FAM20C: variants seen among roughly 807,000 people sequenced by gnomAD.
The protein encoded by FAM20C is extracellular serine/threonine protein kinase FAM20C.
In FAM20C, 40 loss-of-function variants were observed where a neutral mutation model predicts 51.5. That is an observed-to-expected ratio of 0.78 (90% confidence interval 0.60 to 1.01). The LOEUF is 1.01. FAM20C is among the 50% of genes least tolerant of loss of function. The pLI, the probability that FAM20C is intolerant of heterozygous loss-of-function variation, is 0.00. For missense variants in FAM20C, 861 were observed against 844.7 expected, an observed-to-expected ratio of 1.02 and a Z score of -0.24; for synonymous variants, 406 against 380.6, an observed-to-expected ratio of 1.07 and a Z score of -0.78.
intron 3 of FAM20C, among the ~76,000 whole-genome samples, chr7:231,107 C>T (rs558722523): frequency 6.6e-6 from 1 of 152,248 alleles, no homozygotes; most frequent in East Asian, 1.9e-4. Flanking sequence ...AGTACAGAGG[C>T]AGGAGCAGCA....
At position 195,556 on chromosome 7, in the gene FAM20C, C is replaced by T. The variant is rs763622631; in HGVS notation, c.608C>T (p.Pro203Leu). 50 of 1,572,584 alleles carry T rather than the reference C, an allele frequency of 3.2e-5. No individual in the cohort carries two copies. The highest frequency in any genetic ancestry group is 1.7e-4 in the Middle Eastern group (1 of 5,946). Residue 203 changes from proline to leucine, a missense_variant and splice_region_variant, in exon 2 of 10, where the codon CCG (proline) becomes CTG (leucine). Pro to Leu is a moderately conservative substitution (Grantham distance 98, BLOSUM62 -3). This residue lies in a region of FAM20C where 561 missense variants were observed against 499.8 expected (regional missense o/e 1.12). Transcript: ENST00000313766. ...SPKAAENPDW[P>L]HAGAEGAEFL... ...TTCGTCCTCGCTGCTCCCTGCAGGC[C>T]GCATGCGGGTGCTGAAGGTGCAGAA... is the stretch of plus-strand genomic sequence containing the variant.
At chr7:252,654 GA>G (rs1788446190) in intron 5 of FAM20C, among the ~76,000 whole-genome samples, 1 of 152,198 alleles carries the variant, frequency 6.6e-6, no homozygotes, top group Non-Finnish European at 1.5e-5. Flanking sequence ...GTGAGGGGGC[GA>G]GAGGTGGCCA....
chr7:230,634 C>T (rs955743181), intron 3 of FAM20C, among the ~76,000 whole-genome samples: 12 of 152,236 alleles, frequency 7.9e-5, no homozygotes, highest in African/African-American at 2.9e-4. Flanking sequence ...TGGAAAAACG[C>T]CTGCCCCATA....
Position 193,286 on chromosome 7 carries a change from G to C in FAM20C, c.87G>C (p.Leu29=). ...VACALHIALD[L]LPRLERRGAR... ...GCGCGCTGCACATCGCCCTGGACCT[G>C]CTGCCCAGGCTGGAGCGACGCGGCG... Residue 29 remains leucine (L), a synonymous_variant, in exon 1 of 10, where the codon CTG becomes CTC. Transcript: ENST00000313766. 7.0e-7 allele frequency: 1 copy of C among 1,427,434 alleles called. No individual in the cohort carries two copies. The highest frequency in any genetic ancestry group is 1.3e-5 in the South Asian group (1 of 77,552). The allele number at this position is 1,427,434 out of a possible 1,614,324, so 88.4% of individuals were successfully genotyped here. A position where few individuals can be genotyped will look rare whatever the true frequency, so the allele number is the denominator to read the frequency against.
At chr7:244,813 C>G (rs140927262) in intron 3 of FAM20C, among the ~76,000 whole-genome samples, 2 of 152,238 alleles carry the variant, frequency 1.3e-5, no homozygotes, top group African/African-American at 4.8e-5. Flanking sequence ...TATGTGGGAT[C>G]GTGGAAAGTG....
chr7:213,632 G>A lies in FAM20C; in HGVS notation c.863+4656G>A, dbSNP rs138949822. On this transcript the variant is annotated intron_variant, in intron 3 of 9. Coordinates refer to ENST00000313766, the MANE Select transcript of FAM20C (RefSeq NM_020223.4). ...AAGGATAATGTTGCTTTGAGCAACC[G>A]TGTATGAGGTTTTGCAGGGCAGGTA... Among the ~76,000 whole-genome samples, 95 of 152,208 alleles carry A rather than the reference G, an allele frequency of 6.2e-4. 1 individual carries two copies. The highest frequency in any genetic ancestry group is 1.7e-3 in the African/African-American group (71 of 41,424).
chr7:254,128 C>G (rs777509567), intron 5 of FAM20C, among the ~76,000 whole-genome samples: 2 of 145,266 alleles, frequency 1.4e-5, no homozygotes, highest in Admixed American at 1.4e-4. Flanking sequence ...CGGGACCTGC[C>G]GGGTGCGTGG....
chr7:243,816 C>G (rs1389136168), intron 3 of FAM20C, among the ~76,000 whole-genome samples: 1 of 152,114 alleles, frequency 6.6e-6, no homozygotes, highest in African/African-American at 2.4e-5. Flanking sequence ...AGCTCAGTTT[C>G]CTAGCGGCTT....
At chr7:244,569 C>A (rs994991399) in intron 3 of FAM20C, among the ~76,000 whole-genome samples, 1 of 152,232 alleles carries the variant, frequency 6.6e-6, no homozygotes, top group Admixed American at 6.5e-5. Flanking sequence ...GCGACCCTGG[C>A]GGGCAGCATG....
intron 3 of FAM20C, among the ~76,000 whole-genome samples, chr7:236,544 T>G (rs1451999201): frequency 3.3e-5 from 5 of 152,180 alleles, no homozygotes; most frequent in African/African-American, 1.2e-4. Flanking sequence ...CCTGGGATCG[T>G]CTTGCTCCCA....
chr7:259,754 G>A lies in FAM20C; in HGVS notation c.1529G>A (p.Arg510His), dbSNP rs754488338. The part of the protein sequence containing the change: ...CCRIRKSTYL[R>H]LQLLAKEEYK... ...AGGATCCGGAAGTCCACCTACCTGC[G>A]TCTGCAGCTCCTGGCCAAGGAGGAG... The change falls in exon 10 of 10, where the codon CGT becomes CAT. Residue 510 changes from arginine (R) to histidine (H), a missense_variant. Arg to His is a conservative substitution (Grantham distance 29). This residue lies in a region of FAM20C where 269 missense variants were observed against 283.8 expected (regional missense o/e 0.95). Transcript: ENST00000313766. 21 of 1,536,076 alleles carry A rather than the reference G, an allele frequency of 1.4e-5. No homozygotes were observed. In the African/African-American group the frequency reaches 1.8e-4, roughly 13 times the overall value.
chr7:249,551 G>C (rs1157851344), intron 5 of FAM20C, among the ~76,000 whole-genome samples: 1 of 152,186 alleles, frequency 6.6e-6, no homozygotes, highest in African/African-American at 2.4e-5. Flanking sequence ...GACCAGACTG[G>C]GCAACGTGGT....
At chr7:256,404 ACT>A (rs1788591299) in intron 6 of FAM20C, 1 of 575,624 alleles carries the variant, frequency 1.7e-6, no homozygotes, top group South Asian at 2.1e-5. Flanking sequence ...CCCCACAGAG[ACT>A]CTGCAAAAAA....
chr7:253,782 T>C (rs1405731800), intron 5 of FAM20C, among the ~76,000 whole-genome samples: 2 of 152,166 alleles, frequency 1.3e-5, no homozygotes, highest in African/African-American at 4.8e-5. Context: ...GAGAAATGGC[T>C]GTGGGCCCGA....
chr7:198,470 G>T (rs1785983972), intron 2 of FAM20C, among the ~76,000 whole-genome samples: 1 of 152,130 alleles, frequency 6.6e-6, no homozygotes, highest in Admixed American at 6.6e-5. Flanking sequence ...CGTATTTAGG[G>T]GCAAAACCTA....
At chr7:202,447 G>A (rs868547571) in intron 2 of FAM20C, among the ~76,000 whole-genome samples, 1 of 140,126 alleles carries the variant, frequency 7.1e-6, no homozygotes, top group Non-Finnish European at 1.5e-5. Flanking sequence ...ACTGGGGAAT[G>A]GGGGGGCGCT....
At chr7:255,480 C>G (rs965982705) in intron 5 of FAM20C, among the ~76,000 whole-genome samples, 3 of 152,196 alleles carry the variant, frequency 2.0e-5, no homozygotes, top group Non-Finnish European at 4.4e-5. Flanking sequence ...GCTAGATCCT[C>G]AGATGTGCGG....
chr7:209,394 C>T (rs968544742), intron 3 of FAM20C, among the ~76,000 whole-genome samples: 1 of 152,208 alleles, frequency 6.6e-6, no homozygotes, highest in Non-Finnish European at 1.5e-5. Context: ...GGTGTATGGT[C>T]TCTCCCTACT....
intron 2 of FAM20C, among the ~76,000 whole-genome samples, chr7:200,607 A>G (rs1052637575): frequency 1.3e-5 from 2 of 152,230 alleles, no homozygotes; most frequent in African/African-American, 2.4e-5. Flanking sequence ...TGATGCAGAC[A>G]TGGTCCCCAC....
Sources: gnomAD v4.1 joint callset for allele counts (sites outside exome capture counted in the v4.1 genomes callset) on GRCh38, gnomAD v4.1.1 for gene constraint, gnomAD v4.1.1 regional missense constraint, MANE v1.5 for transcripts, NCBI Gene and HGNC (gene_info 2026-07-23, HGNC 2026-07-21) for gene names.